Variants in CFAP70 observed in about 807,000 individuals in gnomAD.
The protein encoded by CFAP70 is cilia and flagella associated protein 70.
CFAP70 carries 81 observed loss-of-function variants against 137.6 expected under a neutral mutation model. That is an observed-to-expected ratio of 0.59 (90% CI 0.49 to 0.71). CFAP70 has a LOEUF of 0.71. Ranked by LOEUF, CFAP70 falls within the 30% of genes least tolerant of loss-of-function variation. The pLI is 0.00. For missense variants in CFAP70, 976 were observed against 1,226.7 expected, an observed-to-expected ratio of 0.80 and a Z score of 3.05; for synonymous variants, 382 against 423.6, an observed-to-expected ratio of 0.90 and a Z score of 1.20.
chr10:73,362,729 C>T (rs1245468587), upstream of CFAP70, among the ~76,000 whole-genome samples: 1 of 152,048 alleles, frequency 6.6e-6, no homozygotes, highest in Non-Finnish European at 1.5e-5. Flanking sequence ...GGAAGTTTGA[C>T]TTCTTTCTTT....
intron 9 of CFAP70, among the ~76,000 whole-genome samples, chr10:73,318,562 CTCATT>C (rs2050587661): frequency 6.6e-6 from 1 of 152,106 alleles, no homozygotes; most frequent in Non-Finnish European, 1.5e-5. Flanking sequence ...TATATTTCAT[CTCATT>C]TAATAGGTAA....
At chr10:73,303,844 A>G (rs974529479) in intron 12 of CFAP70, among the ~76,000 whole-genome samples, 6 of 152,324 alleles carry the variant, frequency 3.9e-5, no homozygotes, top group Middle Eastern at 3.4e-3. Context: ...TTTAGAATTT[A>G]ATGCCAGGAA....
upstream of CFAP70, chr10:73,358,830 G>C (rs537651383): frequency 1.3e-5 from 2 of 152,294 alleles, no homozygotes; most frequent in Non-Finnish European, 2.9e-5. Flanking sequence ...AACCCTCTGG[G>C]GCCGGGAGCA....
chr10:73,281,210 A>C (rs965009305), intron 19 of CFAP70, among the ~76,000 whole-genome samples: 1 of 152,046 alleles, frequency 6.6e-6, no homozygotes. Flanking sequence ...TTATTGAGAC[A>C]GACTCTCACT....
At chr10:73,278,092 C>A in intron 20 of CFAP70, 87 bp downstream of exon 21, 1 of 1,354,742 alleles carries the variant, frequency 7.4e-7, no homozygotes, top group East Asian at 2.3e-5. Context: ...TCAAACAAGT[C>A]AGGATTGCCA....
At chr10:73,266,758 T>G (rs887841712) in intron 25 of CFAP70, among the ~76,000 whole-genome samples, 1 of 152,156 alleles carries the variant, frequency 6.6e-6, no homozygotes, top group Non-Finnish European at 1.5e-5. Flanking sequence ...GCTAATATTA[T>G]TTGTGTCTTT....
At chr10:73,300,293 T>G (rs2048853006) in intron 12 of CFAP70, among the ~76,000 whole-genome samples, 1 of 152,178 alleles carries the variant, frequency 6.6e-6, no homozygotes, top group Admixed American at 6.5e-5. Flanking sequence ...GTTATAGCTC[T>G]TCTCCCTTTT....
intron 9 of CFAP70, among the ~76,000 whole-genome samples, chr10:73,321,153 A>G (rs1423380344): frequency 6.6e-6 from 1 of 152,182 alleles, no homozygotes; most frequent in Non-Finnish European, 1.5e-5. Flanking sequence ...GCAGTGGCTC[A>G]TGCCTGTAAT....
intron 8 of CFAP70, 36 bp from the exon 10 acceptor site, chr10:73,323,133 A>G: frequency 6.4e-7 from 1 of 1,568,876 alleles, no homozygotes; most frequent in Non-Finnish European, 8.6e-7. Context: ...TTAGTGCTAT[A>G]AGCAATGTAA....
intron 19 of CFAP70, among the ~76,000 whole-genome samples, chr10:73,283,833 A>T (rs2047445186): frequency 6.6e-6 from 1 of 152,184 alleles, no homozygotes; most frequent in Non-Finnish European, 1.5e-5. Context: ...CTGGGATTAC[A>T]AGCATGAGCC....
At chr10:73,345,945 G>A (rs1254150401) in intron 4 of CFAP70, among the ~76,000 whole-genome samples, 1 of 151,408 alleles carries the variant, frequency 6.6e-6, no homozygotes, top group African/African-American at 2.4e-5. Context: ...TGTCACCCAG[G>A]CTGGTGTGTA....
upstream of CFAP70, among the ~76,000 whole-genome samples, chr10:73,360,093 A>G (rs772182985): frequency 6.6e-6 from 1 of 152,150 alleles, no homozygotes; most frequent in Non-Finnish European, 1.5e-5. Flanking sequence ...GGACGGTGGG[A>G]AAAATGTGAA....
intron 11 of CFAP70, among the ~76,000 whole-genome samples, chr10:73,310,491 G>A (rs74359035): frequency 0.011 from 1,657 of 152,324 alleles, 28 homozygotes; most frequent in African/African-American, 0.033. Flanking sequence ...CTTCTACAGT[G>A]TAACAAGGCT....
At chr10:73,323,492 G>A (rs949600106) in intron 8 of CFAP70, among the ~76,000 whole-genome samples, 11 of 152,186 alleles carry the variant, frequency 7.2e-5, no homozygotes, top group South Asian at 2.1e-4. Context: ...TGGGTGCAGC[G>A]CACCGTGTGC....
chr10:73,267,100 G>A (rs1394687570), intron 25 of CFAP70, among the ~76,000 whole-genome samples: 1 of 151,992 alleles, frequency 6.6e-6, no homozygotes, highest in Non-Finnish European at 1.5e-5. Context: ...TTTCAGTTAT[G>A]TACTGAAGTA....
intron 25 of CFAP70, among the ~76,000 whole-genome samples, chr10:73,258,393 C>G (rs1421208618): frequency 6.6e-6 from 1 of 152,214 alleles, no homozygotes; most frequent in Non-Finnish European, 1.5e-5. Flanking sequence ...AATCAATACT[C>G]TTATAATTTC....
chr10:73,351,179 C>T (rs559308571), intron 3 of CFAP70, among the ~76,000 whole-genome samples: 6 of 127,224 alleles, frequency 4.7e-5, no homozygotes, highest in Non-Finnish European at 8.3e-5. Flanking sequence ...AGTGCAGTGG[C>T]GCAGTCTCAG....
chr10:73,308,562 A>T (rs772375653), intron 12 of CFAP70, among the ~76,000 whole-genome samples: 2 of 149,656 alleles, frequency 1.3e-5, no homozygotes, highest in African/African-American at 2.5e-5. Flanking sequence ...CAGGAGGCAG[A>T]GGTTGCCATG....
chr10:73,331,571 T>C (rs1316246356), intron 7 of CFAP70, among the ~76,000 whole-genome samples: 1 of 151,998 alleles, frequency 6.6e-6, no homozygotes, highest in Non-Finnish European at 1.5e-5. Context: ...GTCCCAGCTA[T>C]TTGAGGAGGC....
Sources: allele counts gnomAD v4.1 joint callset (sites outside exome capture counted in the v4.1 genomes callset), GRCh38; gene constraint gnomAD v4.1.1; transcripts MANE v1.5; gene names NCBI Gene and HGNC (gene_info 2026-07-23, HGNC 2026-07-21).